The following AAMP variants were observed in gnomAD, a reference collection of about 807,000 sequenced individuals.
The protein encoded by AAMP is angio-associated migratory cell protein.
A neutral mutation model predicts 51.1 loss-of-function variants in AAMP; 12 were observed. The ratio of observed to expected loss-of-function variants is 0.23; its 90% CI spans 0.15 to 0.38. AAMP has a LOEUF of 0.38. Among genes scored for constraint, AAMP ranks in the 10% least tolerant of loss-of-function variants. AAMP has a pLI of 1.00. For synonymous variants in AAMP, 210 were observed against 218.7 expected (o/e 0.96, Z 0.35); for missense variants, 418 against 557.2 (o/e 0.75, Z 2.52).
chr2:218,267,399 AAGT>A lies in AAMP; in HGVS notation c.394+92_394+94del, dbSNP rs1159569975. On this transcript the variant is annotated intron_variant, in intron 3 of 10. Coordinates refer to ENST00000248450, the MANE Select transcript of AAMP (RefSeq NM_001087.5). This position sits in a 1 kb window ranked among gnomAD's most constrained non-coding sequence, Gnocchi z 4.6. ...GAGCTGGCACAAAAGAGATGTCACT[AAGT>A]GGCTGTTGGATGCACAACCTCTGCA... is the stretch of plus-strand genomic sequence containing the variant. 1.0e-5 allele frequency: 16 copies of A among 1,539,904 alleles called. No homozygotes were observed. Among genetic ancestry groups the A allele is most frequent in the Admixed American group, 3.5e-5 (2 of 57,042 alleles).
At position 218,266,732 on chromosome 2, in the gene AAMP, G is replaced by C. The variant is rs1690638856; in HGVS notation, c.534+115C>G. Reference sequence around the variant, plus strand: ...CAGGTAGATATTCTTCCTGTGCCTTGGGGCGCATTGGCTCAGAGCTGGCTT... The same window carrying C: ...CAGGTAGATATTCTTCCTGTGCCTTCGGGCGCATTGGCTCAGAGCTGGCTT... On this transcript the variant is annotated intron_variant, in intron 4 of 10. Coordinates refer to ENST00000248450, the MANE Select transcript of AAMP (RefSeq NM_001087.5). The surrounding 1 kb of genome is among the most constrained non-coding windows in gnomAD (Gnocchi z 4.7). 2 of 1,558,536 alleles carry C rather than the reference G, an allele frequency of 1.3e-6. No homozygotes were observed. The highest frequency in any genetic ancestry group is 1.7e-6 in the Non-Finnish European group (2 of 1,145,850).
chr2:218,268,296 G>A (rs1690683085), intron 2 of AAMP, among the ~76,000 whole-genome samples: 1 of 150,700 alleles, frequency 6.6e-6, no homozygotes, highest in Admixed American at 6.6e-5. Context: ...TAGCACTTGA[G>A]AAAGTTATAT....
rs148721412 is a variant in AAMP, at chr2:218,266,071, T to A, written c.756A>T (p.Val252=). 1.9e-4 allele frequency: 301 copies of A among 1,613,920 alleles called. No individual in the cohort carries two copies. Among genetic ancestry groups the A allele is most frequent in the Non-Finnish European group, 2.4e-4 (289 of 1,179,968 alleles). The change falls in exon 6 of 11, where the codon GTA becomes GTT. Residue 252 remains valine, a synonymous_variant. Coordinates refer to ENST00000248450, the MANE Select transcript of AAMP (RefSeq NM_001087.5). This position sits in a 1 kb window ranked among gnomAD's most constrained non-coding sequence, Gnocchi z 4.7. Reference sequence around the variant, plus strand: ...TTCCCCCACCTCTGATACCTTTCAGTACATGGATAGGGCTTCCCTGCTTCA... The same window carrying A: ...TTCCCCCACCTCTGATACCTTTCAGAACATGGATAGGGCTTCCCTGCTTCA... The part of the protein sequence containing the change: ...WDLKQGSPIH[V]LKGTEGHQGP...
At position 218,264,526 on chromosome 2, in the gene AAMP, G is replaced by A. The variant is rs769207839; in HGVS notation, c.*7C>T. The A allele has an allele frequency of 3.7e-6, 6 of 1,613,192 alleles. No homozygotes were observed. The highest frequency in any genetic ancestry group is 5.1e-6 in the Non-Finnish European group (6 of 1,179,582). ...AACACCAGACACACAGGCAGGGGCT[G>A]CAGCCATTAACGGTCAGGCCTTTGG... On this transcript the variant is annotated 3_prime_UTR_variant, in exon 11 of 11. Transcript: ENST00000248450.
Position 218,267,132 on chromosome 2 carries a change from C to A in AAMP, c.395-146G>T. 1 of 937,606 alleles carries A rather than the reference C, an allele frequency of 1.1e-6. No homozygotes were observed. Among genetic ancestry groups the A allele is most frequent in the Non-Finnish European group, 1.6e-6 (1 of 633,718 alleles). The allele number at this position is 937,606 out of a possible 1,614,324, so 58.1% of individuals were successfully genotyped here. On this transcript the variant is annotated intron_variant, in intron 3 of 10. Transcript: ENST00000248450. This position sits in a 1 kb window ranked among gnomAD's most constrained non-coding sequence, Gnocchi z 4.6. ...GAGCAGAACAGGTGCTGGAACTCAC[C>A]ACCACTCTAGGAACCAATACTCCCA...
chr2:218,265,390 C>T lies in AAMP; in HGVS notation c.1055G>A (p.Arg352Lys), dbSNP rs1237132976. 11 of 1,560,244 alleles carry T rather than the reference C, an allele frequency of 7.1e-6. No homozygotes were observed. The highest frequency in any genetic ancestry group is 8.7e-6 in the Non-Finnish European group (10 of 1,151,190). Residue 352 changes from arginine to lysine, a missense_variant, in exon 9 of 11, where the codon AGG becomes AAG. Transcript: ENST00000248450. This position sits in a 1 kb window ranked among gnomAD's most constrained non-coding sequence, Gnocchi z 6.6. ...CCATACCTGGTGCTGACACTGATGC[C>T]TAAGAGTCTGCGTAGCCAGGTCATA... ...AIYDLATQTL[R>K]HQCQHQSGIV... is the part of the protein sequence containing the mutation.
At position 218,265,975 on chromosome 2, in the gene AAMP, CT is replaced by C; in HGVS notation, c.764-30del. 3 of 1,610,512 alleles carry C rather than the reference CT, an allele frequency of 1.9e-6. No homozygotes were observed. The highest frequency in any genetic ancestry group is 2.5e-6 in the Non-Finnish European group (3 of 1,176,860). ...GCATAGAGCAGGGAGGCAGCTCAGG[CT>C]TCGTCCTACCTCCCCTCTGAGTCCT... On this transcript the variant is annotated intron_variant, in intron 6 of 10. Transcript: ENST00000248450. This position sits in a 1 kb window ranked among gnomAD's most constrained non-coding sequence, Gnocchi z 6.6.
chr2:218,268,499 C>G (rs1180593523), intron 2 of AAMP, among the ~76,000 whole-genome samples: 1 of 151,754 alleles, frequency 6.6e-6, no homozygotes, highest in Non-Finnish European at 1.5e-5. Context: ...CCACCACACC[C>G]AGCTAATTTT....
rs368777489 is a variant in AAMP at position 218,270,043 on chromosome 2, G to A, written c.44C>T (p.Pro15Leu). ...ACCATGGAAGCTTAGGGTCTCCAGT[G>A]GGGGGGTGTCAGCAGCAGCCCCGCT... The part of the protein sequence containing the change: ...SESGAAADTP[P>L]LETLSFHGDE... Residue 15 changes from proline (P) to leucine (L), a missense_variant, in exon 1 of 11, where the codon CCA becomes CTA. Pro to Leu is a moderately conservative substitution (Grantham distance 98, BLOSUM62 -3). Transcript: ENST00000248450. 8.7e-6 allele frequency: 14 copies of A among 1,613,760 alleles called. No individual in the cohort carries two copies. Among genetic ancestry groups the A allele is most frequent in the African/African-American group, 1.3e-5 (1 of 75,024 alleles).
chr2:218,264,676 T>C lies in AAMP; in HGVS notation c.1230-68A>G, dbSNP rs1466447259. 6 of 1,411,712 alleles carry C rather than the reference T, an allele frequency of 4.3e-6. No homozygotes were observed. The South Asian group carries it at 5.7e-5, about 14-fold the overall frequency. 87.4% of individuals were successfully genotyped at this position (1,411,712 alleles called of 1,614,324 possible). ...AGCCCACCACCTAGGGGCCCTAGGGTGGGCTCCTCCAGCACACCCTCAGTT... is the reference window on the plus strand; with the variant it reads ...AGCCCACCACCTAGGGGCCCTAGGGCGGGCTCCTCCAGCACACCCTCAGTT... On this transcript the variant is annotated intron_variant, in intron 10 of 10. Transcript: ENST00000248450.
In AAMP at chr2:218,266,538, T is replaced by G. The variant is rs1032218893; in HGVS notation, c.584A>C (p.Asp195Ala). The change falls in exon 5 of 11, where the codon GAC (aspartate) becomes GCC (alanine). Residue 195 changes from aspartate (D) to alanine (A), a missense_variant. Physicochemically the swap from Asp to Ala is moderately radical, Grantham distance 126 (BLOSUM62 -2). Coordinates refer to ENST00000248450, the MANE Select transcript of AAMP (RefSeq NM_001087.5). This position sits in a 1 kb window ranked among gnomAD's most constrained non-coding sequence, Gnocchi z 4.7. Reference sequence around the variant, plus strand: ...GACTTTCCACATCCAGGTGTTGCCGTCAGCTGTGCCCGCCAACAGGACAGG... The same window carrying G: ...GACTTTCCACATCCAGGTGTTGCCGGCAGCTGTGCCCGCCAACAGGACAGG... ...RAPVLLAGTA[D>A]GNTWMWKVPN... 6.2e-7 allele frequency: 1 copy of G among 1,613,404 alleles called. No individual in the cohort carries two copies. Among genetic ancestry groups the G allele is most frequent in the African/African-American group, 1.3e-5 (1 of 74,856 alleles).
In AAMP at chr2:218,265,310, C is replaced by T. The variant is rs557785191; in HGVS notation, c.1074+61G>A. The T allele has an allele frequency of 2.0e-6, 3 of 1,531,984 alleles. No individual in the cohort carries two copies. The highest frequency in any genetic ancestry group is 3.9e-5 in the Admixed American group (2 of 51,200). 94.9% of individuals were successfully genotyped at this position (1,531,984 alleles called of 1,614,324 possible). On this transcript the variant is annotated intron_variant, in intron 9 of 10. Transcript: ENST00000248450. The surrounding 1 kb of genome is among the most constrained non-coding windows in gnomAD (Gnocchi z 6.6). ...GATCTGGGGTAGATGCTCCTGGAGG[C>T]CTGGGCTTCCCCACCACTATGGACA... is the stretch of plus-strand genomic sequence containing the variant.
rs1271019289 is a variant in AAMP at position 218,264,485 on chromosome 2, G to T, written c.*48C>A. 1 of 1,566,490 alleles carries T rather than the reference G, an allele frequency of 6.4e-7. No homozygotes were observed. Among genetic ancestry groups the T allele is most frequent in the African/African-American group, 1.4e-5 (1 of 73,890 alleles). ...CCTCTGCTGGCAGACAGGGGCAGGG[G>T]TCCCTTCGTCCCCTCAACACCAGAC... On this transcript the variant is annotated 3_prime_UTR_variant, in exon 11 of 11. Coordinates refer to ENST00000248450, the MANE Select transcript of AAMP (RefSeq NM_001087.5).
At chr2:218,269,042 A>T (rs1324605044) in intron 2 of AAMP, among the ~76,000 whole-genome samples, 3 of 152,168 alleles carry the variant, frequency 2.0e-5, no homozygotes, top group Admixed American at 2.0e-4. Flanking sequence ...CATGTTGGCC[A>T]GGCTGGTCTC....
At position 218,265,807 on chromosome 2, in the gene AAMP, C is replaced by G; in HGVS notation, c.879+24G>C. ...AGAGGAGTCGGGAAAGCGGAGGCCCCAGCCGGGCTCCAGGTCCACTCACCT... is the reference window on the plus strand; with the variant it reads ...AGAGGAGTCGGGAAAGCGGAGGCCCGAGCCGGGCTCCAGGTCCACTCACCT... On this transcript the variant is annotated intron_variant, in intron 7 of 10. Transcript: ENST00000248450. The surrounding 1 kb of genome is among the most constrained non-coding windows in gnomAD (Gnocchi z 6.6). 2 of 1,601,576 alleles carry G rather than the reference C, an allele frequency of 1.2e-6. No homozygotes were observed. Among genetic ancestry groups the G allele is most frequent in the East Asian group, 4.5e-5 (2 of 44,678 alleles).
chr2:218,270,047 G>T lies in AAMP; in HGVS notation c.40C>A (p.Pro14Thr). The change falls in exon 1 of 11, where the codon CCC becomes ACC. Residue 14 changes from proline to threonine, a missense_variant. Coordinates refer to ENST00000248450, the MANE Select transcript of AAMP (RefSeq NM_001087.5). ...ESESGAAADTPPLETLSFHGD... is the reference protein window; with the variant it reads ...ESESGAAADTTPLETLSFHGD... ...TGGAAGCTTAGGGTCTCCAGTGGGG[G>T]GGTGTCAGCAGCAGCCCCGCTTTCC... The T allele has an allele frequency of 6.2e-7, 1 of 1,614,144 alleles. No homozygotes were observed.
Position 218,264,554 on chromosome 2 carries a change from A to G in AAMP, c.1284T>C (p.Cys428=), listed in dbSNP as rs900912403. ...TSGDHKAKVF[C]VQRPDR Reference sequence around the variant, plus strand: ...GCCATTAACGGTCAGGCCTTTGGACACAAAATACTTTCGCTTTGTGGTCTC... The same window carrying G: ...GCCATTAACGGTCAGGCCTTTGGACGCAAAATACTTTCGCTTTGTGGTCTC... The change falls in exon 11 of 11, where the codon TGT becomes TGC. Residue 428 remains cysteine, a synonymous_variant. Coordinates refer to ENST00000248450, the MANE Select transcript of AAMP (RefSeq NM_001087.5). The G allele has an allele frequency of 1.2e-6, 2 of 1,614,052 alleles. No individual in the cohort carries two copies. Among genetic ancestry groups the G allele is most frequent in the African/African-American group, 2.7e-5 (2 of 74,930 alleles).
Position 218,265,742 on chromosome 2 carries a change from A to G in AAMP, c.880-60T>C. The G allele has an allele frequency of 1.9e-6, 3 of 1,582,808 alleles. No individual in the cohort carries two copies. The highest frequency in any genetic ancestry group is 2.6e-6 in the Non-Finnish European group (3 of 1,154,774). On this transcript the variant is annotated intron_variant, in intron 7 of 10. Coordinates refer to ENST00000248450, the MANE Select transcript of AAMP (RefSeq NM_001087.5). This position sits in a 1 kb window ranked among gnomAD's most constrained non-coding sequence, Gnocchi z 6.6. ...ATCCGGGTGCTTGATGGAGAGAAAG[A>G]CGGTGGGGAGAGGAGACAGTGAAGA... is the stretch of plus-strand genomic sequence containing the variant.
Position 218,266,426 on chromosome 2 carries a change from A to G in AAMP, c.679+17T>C. 1 of 1,612,274 alleles carries G rather than the reference A, an allele frequency of 6.2e-7. No individual in the cohort carries two copies. Among genetic ancestry groups the G allele is most frequent in the Non-Finnish European group, 8.5e-7 (1 of 1,178,714 alleles). ...CCTCTGCACCCAGGAAAGGTCACTC[A>G]AGGGAGGTGCTCTCACCATCAGGGA... is the stretch of plus-strand genomic sequence containing the variant. On this transcript the variant is annotated intron_variant, in intron 5 of 10. Coordinates refer to ENST00000248450, the MANE Select transcript of AAMP (RefSeq NM_001087.5). The surrounding 1 kb of genome is among the most constrained non-coding windows in gnomAD (Gnocchi z 4.7).
Sources: allele counts gnomAD v4.1 joint callset (sites outside exome capture counted in the v4.1 genomes callset), GRCh38; gene constraint gnomAD v4.1.1; non-coding constraint Gnocchi (gnomAD v3.1); transcripts MANE v1.5; gene names NCBI Gene and HGNC (gene_info 2026-07-23, HGNC 2026-07-21).